DENND5B: variants seen among roughly 807,000 people sequenced by gnomAD.
DENND5B encodes DENN domain-containing protein 5B.
In DENND5B, 34 loss-of-function variants were observed where a neutral mutation model predicts 140.6. That is an observed-to-expected ratio of 0.24 (90% CI 0.18 to 0.32). DENND5B has a LOEUF of 0.32. DENND5B is among the 10% of genes least tolerant of loss of function. DENND5B has a pLI of 1.00. For missense variants in DENND5B, 1,142 were observed against 1,560.2 expected (o/e 0.73, Z 4.52); for synonymous variants, 551 against 562.1 (o/e 0.98, Z 0.28).
At position 31,477,121 on chromosome 12, in the gene DENND5B, G is replaced by A. The variant is rs955065234; in HGVS notation, c.904+2468C>T. Among the ~76,000 whole-genome samples, 8 of 151,930 alleles carry A rather than the reference G, an allele frequency of 5.3e-5. No homozygotes were observed. The South Asian group carries it at 8.3e-4, about 16-fold the overall frequency. ...TGCGCACCCATAGTCCCAGCTACTC[G>A]GGAGGCTGAGGCAGGAGAATTGTTT... On this transcript the variant is annotated intron_variant, in intron 3 of 20. Transcript: ENST00000389082.
At chr12:31,581,004 C>G (rs1365864510) in intron 1 of DENND5B, among the ~76,000 whole-genome samples, 1 of 152,094 alleles carries the variant, frequency 6.6e-6, no homozygotes, top group Admixed American at 6.6e-5. Flanking sequence ...ACTTGGGAGG[C>G]TGAGGTAGGA....
intron 2 of DENND5B, among the ~76,000 whole-genome samples, chr12:31,485,532 C>T (rs1946266508): frequency 1.3e-5 from 2 of 152,238 alleles, no homozygotes; most frequent in Admixed American, 6.5e-5. Context: ...TCCAAAACCA[C>T]AATTACTTTT....
intron 1 of DENND5B, among the ~76,000 whole-genome samples, chr12:31,502,000 T>C (rs1322411751): frequency 1.3e-5 from 2 of 151,864 alleles, no homozygotes; most frequent in Non-Finnish European, 1.5e-5. Flanking sequence ...TTCCAGTATT[T>C]AAGGTAAAAA....
intron 1 of DENND5B, among the ~76,000 whole-genome samples, chr12:31,540,568 C>T (rs924645032): frequency 7.2e-5 from 11 of 151,900 alleles, no homozygotes; most frequent in South Asian, 2.1e-4. Context: ...GCACAAGAAT[C>T]GCTTGAACCT....
At chr12:31,590,431 G>A (rs12825651) in intron 1 of DENND5B, 1 of 249,778 alleles carries the variant, frequency 4.0e-6, no homozygotes, top group South Asian at 1.5e-4. Flanking sequence ...CGGCGCGCCA[G>A]GCGGGGTCCG....
At chr12:31,533,125 T>C (rs569468431) in intron 1 of DENND5B, among the ~76,000 whole-genome samples, 2 of 152,356 alleles carry the variant, frequency 1.3e-5, no homozygotes, top group South Asian at 4.1e-4. Flanking sequence ...TCACATTAAA[T>C]ATTGTGAGCT....
chr12:31,556,556 A>G (rs901137694), intron 1 of DENND5B, among the ~76,000 whole-genome samples: 1 of 152,110 alleles, frequency 6.6e-6, no homozygotes, highest in Non-Finnish European at 1.5e-5. Context: ...GGAATTTCAG[A>G]GGCTTTGCAG....
At chr12:31,473,502 G>A (rs948522666) in intron 3 of DENND5B, among the ~76,000 whole-genome samples, 2 of 152,184 alleles carry the variant, frequency 1.3e-5, no homozygotes, top group African/African-American at 4.8e-5. Flanking sequence ...GATTGCCTGA[G>A]CTCACGCAGT....
intron 11 of DENND5B, among the ~76,000 whole-genome samples, chr12:31,416,123 C>T (rs1350058253): frequency 3.9e-5 from 6 of 152,112 alleles, no homozygotes; most frequent in African/African-American, 1.4e-4. Context: ...AAGCGTGAGC[C>T]ACCGTGCCCA....
intron 1 of DENND5B, among the ~76,000 whole-genome samples, chr12:31,568,737 C>T (rs553927596): frequency 2.0e-5 from 3 of 152,240 alleles, no homozygotes; most frequent in Admixed American, 6.5e-5. Flanking sequence ...TCAAATTACA[C>T]CCTGAACACA....
At chr12:31,521,206 G>C (rs1443740816) in intron 1 of DENND5B, among the ~76,000 whole-genome samples, 1 of 151,466 alleles carries the variant, frequency 6.6e-6, no homozygotes, top group Non-Finnish European at 1.5e-5. Flanking sequence ...CAATAGAAAA[G>C]GTTATATCAA....
intron 1 of DENND5B, among the ~76,000 whole-genome samples, chr12:31,587,271 C>T (rs1267915211): frequency 6.6e-6 from 1 of 152,136 alleles, no homozygotes; most frequent in Non-Finnish European, 1.5e-5. Context: ...CTTAATACAT[C>T]CAAAACTGAA....
chr12:31,476,269 C>CTGTA (rs1437425767), intron 3 of DENND5B, among the ~76,000 whole-genome samples: 1 of 150,804 alleles, frequency 6.6e-6, no homozygotes, highest in Non-Finnish European at 1.5e-5. Context: ...AAACTCTTGA[C>CTGTA]TGTATCATTT....
chr12:31,464,121 GA>G (rs1555154932), intron 3 of DENND5B, among the ~76,000 whole-genome samples: 2 of 152,116 alleles, frequency 1.3e-5, no homozygotes, highest in Non-Finnish European at 1.5e-5. Context: ...TCAAAGTGAT[GA>G]ATGTATAAAA....
At chr12:31,500,290 A>G in intron 1 of DENND5B, 1 of 427,222 alleles carries the variant, frequency 2.3e-6, no homozygotes, top group Non-Finnish European at 4.6e-6. Context: ...GGCCTCAAAA[A>G]GTTTCAAATT....
chr12:31,543,263 T>C (rs575627476), intron 1 of DENND5B, among the ~76,000 whole-genome samples: 9 of 152,242 alleles, frequency 5.9e-5, no homozygotes, highest in South Asian at 2.1e-4. Flanking sequence ...AACTGCTACG[T>C]AGAGTTTCCA....
At chr12:31,454,495 G>C (rs1944677816) in intron 4 of DENND5B, among the ~76,000 whole-genome samples, 1 of 152,162 alleles carries the variant, frequency 6.6e-6, no homozygotes, top group Non-Finnish European at 1.5e-5. Flanking sequence ...CCAGGCTGGA[G>C]TGTAGTGGTG....
chr12:31,546,674 A>T (rs1333211920), intron 1 of DENND5B, among the ~76,000 whole-genome samples: 1 of 152,222 alleles, frequency 6.6e-6, no homozygotes, highest in African/African-American at 2.4e-5. Context: ...AGACAGAGCG[A>T]GACTCCATCT....
At chr12:31,503,308 C>T (rs1191963572) in intron 1 of DENND5B, among the ~76,000 whole-genome samples, 1 of 152,140 alleles carries the variant, frequency 6.6e-6, no homozygotes, top group African/African-American at 2.4e-5. Context: ...GCCTGTAATC[C>T]TAGCACTTTG....
Sources: gnomAD v4.1 joint callset for allele counts (sites outside exome capture counted in the v4.1 genomes callset) on GRCh38, gnomAD v4.1.1 for gene constraint, MANE v1.5 for transcripts, NCBI Gene and HGNC (gene_info 2026-07-23, HGNC 2026-07-21) for gene names.